MAPRE2: variants seen among roughly 807,000 people sequenced by gnomAD.
The protein encoded by MAPRE2 is microtubule-associated protein RP/EB family member 2.
Under a neutral mutation model 43.2 loss-of-function variants are expected in MAPRE2, and 13 were observed. The ratio of observed to expected loss-of-function variants is 0.30; its 90% CI spans 0.20 to 0.48. The LOEUF is 0.48. MAPRE2 is among the 20% of genes least tolerant of loss of function. The pLI is 0.99. For missense variants in MAPRE2, 161 were observed against 400.2 expected (o/e 0.40, Z 5.10); for synonymous variants, 135 against 148.8 (o/e 0.91, Z 0.68).
At chr18:34,994,600 C>T (rs1029342723) in intron 1 of MAPRE2, among the ~76,000 whole-genome samples, 3 of 152,090 alleles carry the variant, frequency 2.0e-5, no homozygotes, top group Non-Finnish European at 4.4e-5. Flanking sequence ...TAGGTATTCC[C>T]TCCCATTCTG....
At chr18:35,009,006 T>C (rs2097033125) in intron 2 of MAPRE2, among the ~76,000 whole-genome samples, 1 of 152,056 alleles carries the variant, frequency 6.6e-6, no homozygotes, top group Non-Finnish European at 1.5e-5. Context: ...ATGAATGATG[T>C]GCTCATTCTA....
chr18:35,127,602 A>C (rs1909963933), intron 5 of MAPRE2: 1 of 152,300 alleles, frequency 6.6e-6, no homozygotes, highest in South Asian at 2.1e-4. Flanking sequence ...TAAAGGTAGT[A>C]AAATAGATAC....
At chr18:35,000,850 C>A (rs946408576) in intron 1 of MAPRE2, among the ~76,000 whole-genome samples, 1 of 152,112 alleles carries the variant, frequency 6.6e-6, no homozygotes, top group Non-Finnish European at 1.5e-5. Context: ...TGTGTGTTGG[C>A]GATTAAAATT....
intron 3 of MAPRE2, among the ~76,000 whole-genome samples, chr18:35,098,808 A>G (rs1398080439): frequency 6.6e-6 from 1 of 152,242 alleles, no homozygotes; most frequent in East Asian, 1.9e-4. Context: ...AGTGGGCTCC[A>G]TATCTCTCTA....
At chr18:35,063,164 C>T (rs1199588247) in intron 1 of MAPRE2, among the ~76,000 whole-genome samples, 2 of 151,866 alleles carry the variant, frequency 1.3e-5, no homozygotes, top group African/African-American at 2.4e-5. Context: ...AGTGCAGTGG[C>T]GCGATCTCGG....
intron 1 of MAPRE2, among the ~76,000 whole-genome samples, chr18:35,043,103 A>G (rs1905448732): frequency 1.3e-5 from 2 of 152,188 alleles, no homozygotes; most frequent in Admixed American, 1.3e-4. Flanking sequence ...CTTAATGTAA[A>G]TCAAAATTCC....
intron 3 of MAPRE2, among the ~76,000 whole-genome samples, chr18:35,099,407 G>A (rs536809191): frequency 6.6e-6 from 1 of 152,302 alleles, no homozygotes; most frequent in Non-Finnish European, 1.5e-5. Context: ...TTGAGGCCAG[G>A]AGTTCCAGAC....
upstream of MAPRE2, among the ~76,000 whole-genome samples, chr18:35,040,084 T>C (rs975636620): frequency 1.3e-5 from 2 of 152,178 alleles, no homozygotes; most frequent in Non-Finnish European, 2.9e-5. Context: ...GCGCCTGTTA[T>C]CCCACCTACT....
At chr18:35,074,712 ACAAGG>A (rs958515750) in intron 2 of MAPRE2, among the ~76,000 whole-genome samples, 2 of 151,924 alleles carry the variant, frequency 1.3e-5, no homozygotes, top group Non-Finnish European at 2.9e-5. Context: ...TCCCATCCTC[ACAAGG>A]CTAGTGCAGC....
chr18:34,984,912 AATATATAATATATTTT>A lies in MAPRE2; in HGVS notation c.-70+7836_-70+7851del, dbSNP rs2097018393. On this transcript the variant is annotated intron_variant, in intron 1 of 7. Coordinates refer to the MAPRE2 transcript ENST00000413393. ...ATATATAATATATTTTATGTTATAT[AATATATAATATATTTT>A]ATGTTATATAATATATAAAATATAT... 2.2e-4 allele frequency among the ~76,000 whole-genome samples: 2 copies of A among 8,918 alleles called. 1 individual carries two copies. The highest frequency in any genetic ancestry group is 4.1e-3 in the Admixed American group (2 of 484). 5.9% of individuals were successfully genotyped at this position (8,918 alleles called of 152,430 possible). A position where few individuals can be genotyped will look rare whatever the true frequency, so the allele number is the denominator to read the frequency against.
intron 1 of MAPRE2, among the ~76,000 whole-genome samples, chr18:35,000,058 A>G (rs1479263070): frequency 6.6e-6 from 1 of 152,088 alleles, no homozygotes; most frequent in Non-Finnish European, 1.5e-5. Flanking sequence ...CTTTATTCCT[A>G]GAAAGCTATG....
At chr18:35,113,553 T>C (rs1479182831) in intron 4 of MAPRE2, among the ~76,000 whole-genome samples, 1 of 152,198 alleles carries the variant, frequency 6.6e-6, no homozygotes, top group African/African-American at 2.4e-5. Flanking sequence ...AGAATCTGAA[T>C]CTTAATATGA....
chr18:35,076,246 A>G (rs1014477625), intron 2 of MAPRE2, among the ~76,000 whole-genome samples: 3 of 152,238 alleles, frequency 2.0e-5, no homozygotes, highest in African/African-American at 7.2e-5. Context: ...AGCGATAAAT[A>G]AAACATAGTC....
rs1910331004 is a variant in MAPRE2 at position 35,135,185 on chromosome 18, A to T, written c.909+2995A>T. On this transcript the variant is annotated intron_variant, in intron 6 of 6. Coordinates refer to ENST00000300249, the MANE Select transcript of MAPRE2 (RefSeq NM_014268.4). Reference sequence around the variant, plus strand: ...CACATCAGGCTATACTGAGTTTTCTACAGAGAGTAAGCCGTTTGATCTGGA... The same window carrying T: ...CACATCAGGCTATACTGAGTTTTCTTCAGAGAGTAAGCCGTTTGATCTGGA... Among the ~76,000 whole-genome samples the T allele has an allele frequency of 3.3e-5, 5 of 152,246 alleles. No homozygotes were observed. In the South Asian group the frequency reaches 1.0e-3, roughly 31 times the overall value.
At chr18:35,043,167 C>T (rs1603393204) in intron 1 of MAPRE2, among the ~76,000 whole-genome samples, 1 of 152,302 alleles carries the variant, frequency 6.6e-6, no homozygotes, top group East Asian at 1.9e-4. Context: ...AAATTTGGGC[C>T]TCTTCTCCTC....
intron 4 of MAPRE2, among the ~76,000 whole-genome samples, chr18:35,122,620 C>T (rs1909730830): frequency 6.6e-6 from 1 of 152,064 alleles, no homozygotes; most frequent in African/African-American, 2.4e-5. Context: ...GCACTGTGTC[C>T]CCGTTAGTGA....
intron 5 of MAPRE2, 199 bp from the exon 6 acceptor site, chr18:35,131,833 G>A: frequency 1.7e-6 from 1 of 571,890 alleles, no homozygotes; most frequent in Middle Eastern, 4.7e-4. Context: ...GGAATGACCA[G>A]AGTGCTGTGG....
At chr18:34,979,577 T>C (rs527244016) in intron 1 of MAPRE2, among the ~76,000 whole-genome samples, 1 of 151,576 alleles carries the variant, frequency 6.6e-6, no homozygotes, top group Admixed American at 6.6e-5. Flanking sequence ...GTGGGAAGCA[T>C]GTAAAAAAAA....
At chr18:34,987,170 A>T (rs2097021431) in intron 1 of MAPRE2, among the ~76,000 whole-genome samples, 1 of 152,204 alleles carries the variant, frequency 6.6e-6, no homozygotes, top group African/African-American at 2.4e-5. Flanking sequence ...TTCTTTCACC[A>T]ATTTTTTAAT....
Sources: gnomAD v4.1 joint callset for allele counts (sites outside exome capture counted in the v4.1 genomes callset) on GRCh38, gnomAD v4.1.1 for gene constraint, MANE v1.5 for transcripts, NCBI Gene and HGNC (gene_info 2026-07-23, HGNC 2026-07-21) for gene names.